Variants in PCDHGB2 observed in about 807,000 individuals in gnomAD.
PCDHGB2 encodes protocadherin gamma subfamily B, 2, also known as protocadherin gamma-B2.
In PCDHGB2, 55 loss-of-function variants were observed where a neutral mutation model predicts 59.3. That is an observed-to-expected ratio of 0.93 (90% confidence interval 0.75 to 1.16). The LOEUF is 1.16. Ranked by LOEUF, PCDHGB2 falls within the 50% of genes most tolerant of loss-of-function variation. The pLI, the probability that PCDHGB2 is intolerant of heterozygous loss-of-function variation, is 0.00. For synonymous variants in PCDHGB2, 516 were observed against 512.0 expected, an observed-to-expected ratio of 1.01 and a Z score of -0.11; for missense variants, 1,228 against 1,198.5, an observed-to-expected ratio of 1.02 and a Z score of -0.36.
In PCDHGB2 at chr5:141,410,321, G is replaced by A. The variant is rs749017304; in HGVS notation, c.2421+47765G>A. ...AATCTCAGTGCTCTTCCTCCTCGCC[G>A]TGATTCTGGCCATTGCCTTGCGCCT... On this transcript the variant is annotated intron_variant, in intron 1 of 3. Transcript: ENST00000522605. The A allele has an allele frequency of 3.7e-6, 6 of 1,613,842 alleles. No homozygotes were observed. The East Asian group carries it at 1.1e-4, about 30-fold the overall frequency.
In PCDHGB2 at chr5:141,413,998, G is replaced by A; in HGVS notation, c.2421+51442G>A. On this transcript the variant is annotated intron_variant, in intron 1 of 3. Transcript: ENST00000522605. The stretch of plus-strand genomic sequence containing the variant: ...GACAGTCACAGCCACCGACAGGGAC[G>A]AAGGTGCCAATGGAGAAGTGACATA... 1 of 1,613,320 alleles carries A rather than the reference G, an allele frequency of 6.2e-7. No individual in the cohort carries two copies. The highest frequency in any genetic ancestry group is 1.6e-4 in the Middle Eastern group (1 of 6,062).
intron 1 of PCDHGB2, chr5:141,408,760 C>T: frequency 6.2e-7 from 1 of 1,610,404 alleles, no homozygotes. Flanking sequence ...GAGTTAATTC[C>T]GATGGTGGCA....
chr5:141,422,594 C>G, intron 1 of PCDHGB2: 1 of 1,614,090 alleles, frequency 6.2e-7, no homozygotes, highest in Non-Finnish European at 8.5e-7. Flanking sequence ...TTTCCTCACT[C>G]CTCTTACTCT....
rs776053945 is a variant in PCDHGB2 at position 141,362,379 on chromosome 5, GC to G, written c.2247del (p.Tyr750IlefsTer19). On this transcript the variant is annotated frameshift_variant, in exon 1 of 4. Transcript: ENST00000522605. LOFTEE classifies it high-confidence loss of function. ...TCCCCAATTACAGTGAGGGTACATT[GC>G]CCTATTCCTACAACCTGTGTGTTGC... ...VLPNYSEGTLPYSYNLCVASQ... is the reference protein window; with the variant it reads ...VLPNYSEGTLXYSYNLCVASQ... The G allele has an allele frequency of 6.2e-6, 10 of 1,613,886 alleles. No individual in the cohort carries two copies. Among genetic ancestry groups the G allele is most frequent in the Non-Finnish European group, 2.5e-6 (3 of 1,179,888 alleles).
chr5:141,365,732 G>C (rs780327572), intron 1 of PCDHGB2: 1 of 1,613,694 alleles, frequency 6.2e-7, no homozygotes, highest in Non-Finnish European at 8.5e-7. Flanking sequence ...CAATCCCAGA[G>C]GTGTCTCTAT....
intron 1 of PCDHGB2, chr5:141,417,914 C>T: frequency 6.2e-7 from 1 of 1,602,320 alleles, no homozygotes; most frequent in Non-Finnish European, 8.5e-7. Context: ...GGTACTATTT[C>T]CTTTGCTGCT....
At chr5:141,383,174 G>A in intron 1 of PCDHGB2, 6 of 1,614,084 alleles carry the variant, frequency 3.7e-6, no homozygotes, top group South Asian at 2.2e-5. Flanking sequence ...AGGATAGACC[G>A]GGAAGAGATC....
At position 141,385,121 on chromosome 5, in the gene PCDHGB2, T is replaced by C. The variant is rs748623262; in HGVS notation, c.2421+22565T>C. On this transcript the variant is annotated intron_variant, in intron 1 of 3. Transcript: ENST00000522605. The stretch of plus-strand genomic sequence containing the variant: ...GCGAACGTGCCCACCTCGCACTTTG[T>C]GGGCATGGACGGGGTGCAGGCTTTC... 14 of 1,614,214 alleles carry C rather than the reference T, an allele frequency of 8.7e-6. No homozygotes were observed. The Admixed American group carries it at 2.3e-4, about 27-fold the overall frequency.
intron 1 of PCDHGB2, among the ~76,000 whole-genome samples, chr5:141,462,218 C>T (rs2099034952): frequency 6.6e-6 from 1 of 152,180 alleles, no homozygotes; most frequent in African/African-American, 2.4e-5. Context: ...CCTCGGCCTC[C>T]CAAAGTGCAG....
At chr5:141,465,284 A>C (rs2099100147) in intron 1 of PCDHGB2, among the ~76,000 whole-genome samples, 1 of 152,176 alleles carries the variant, frequency 6.6e-6, no homozygotes, top group African/African-American at 2.4e-5. Flanking sequence ...TTCACCCCTA[A>C]AGAACTGAGA....
chr5:141,486,555 A>T lies in PCDHGB2; in HGVS notation c.2422-8252A>T, dbSNP rs746001345. The T allele has an allele frequency of 6.2e-6, 10 of 1,614,078 alleles. No individual in the cohort carries two copies. Among genetic ancestry groups the T allele is most frequent in the Non-Finnish European group, 7.6e-6 (9 of 1,180,022 alleles). ...CCCTCTTTCTTTCAGAGGTCACATGAGGTGTTTGTTCCTGAGAACAATCGC... is the reference window on the plus strand; with the variant it reads ...CCCTCTTTCTTTCAGAGGTCACATGTGGTGTTTGTTCCTGAGAACAATCGC... On this transcript the variant is annotated intron_variant, in intron 1 of 3. Transcript: ENST00000522605. This position sits in a 1 kb window ranked among gnomAD's most constrained non-coding sequence, Gnocchi z 5.0.
chr5:141,454,097 C>T (rs1021353610), intron 1 of PCDHGB2, among the ~76,000 whole-genome samples: 10 of 152,292 alleles, frequency 6.6e-5, no homozygotes, highest in Middle Eastern at 3.4e-3. Flanking sequence ...TTGAATTGAA[C>T]ATAAATGGAG....
At chr5:141,473,801 T>C (rs1593456345) in intron 1 of PCDHGB2, among the ~76,000 whole-genome samples, 1 of 152,226 alleles carries the variant, frequency 6.6e-6, no homozygotes, top group East Asian at 1.9e-4. Flanking sequence ...ATGATGCTAC[T>C]GAGGAGCAGC....
chr5:141,487,135 A>G lies in PCDHGB2; in HGVS notation c.2422-7672A>G. 6.2e-7 allele frequency: 1 copy of G among 1,613,544 alleles called. No individual in the cohort carries two copies. The highest frequency in any genetic ancestry group is 8.5e-7 in the Non-Finnish European group (1 of 1,179,856). ...TGGTAAAGGATAGTGGTAGTCCACC[A>G]CTCTCTACCTCTGTTACTCTCTTAG... On this transcript the variant is annotated intron_variant, in intron 1 of 3. Transcript: ENST00000522605. The surrounding 1 kb of genome is among the most constrained non-coding windows in gnomAD (Gnocchi z 5.0).
chr5:141,387,830 TTA>T (rs2091113162), intron 1 of PCDHGB2: 1 of 1,590,004 alleles, frequency 6.3e-7, no homozygotes, highest in African/African-American at 1.3e-5. Context: ...AATACAGAGG[TTA>T]TTTGTAACCC....
At chr5:141,472,066 T>C (rs1440684719) in intron 1 of PCDHGB2, among the ~76,000 whole-genome samples, 1 of 152,140 alleles carries the variant, frequency 6.6e-6, no homozygotes, top group African/African-American at 2.4e-5. Flanking sequence ...GACATGTCTG[T>C]GGTTATATCA....
chr5:141,443,018 A>G (rs2098358800), intron 1 of PCDHGB2, among the ~76,000 whole-genome samples: 1 of 152,208 alleles, frequency 6.6e-6, no homozygotes, highest in Admixed American at 6.5e-5. Flanking sequence ...TGACTAATGG[A>G]AGTTGCCAGA....
rs560733170 is a variant in PCDHGB2, at chr5:141,503,895, A to G, written c.2481-1498A>G. ...TTGTGCTCACCCACCATGACAAAATATGCACACACACAACGCAACACACAC... is the reference window on the plus strand; with the variant it reads ...TTGTGCTCACCCACCATGACAAAATGTGCACACACACAACGCAACACACAC... On this transcript the variant is annotated intron_variant, in intron 2 of 3. Transcript: ENST00000522605. Among the ~76,000 whole-genome samples, 12 of 152,302 alleles carry G rather than the reference A, an allele frequency of 7.9e-5. No individual in the cohort carries two copies. The South Asian group carries it at 2.1e-3, about 26-fold the overall frequency.
Position 141,415,396 on chromosome 5 carries a change from G to A in PCDHGB2, c.2421+52840G>A, listed in dbSNP as rs11575962. 4,865 of 1,614,204 alleles carry A rather than the reference G, an allele frequency of 3.0e-3. 27 individuals are homozygous for A. The highest frequency in any genetic ancestry group is 0.011 in the Admixed American group (656 of 60,024). ...AGGAGGCGGCTTGACAGGTGTGTCC[G>A]GCTCGCACTTTGTGGGCGTGGACGG... On this transcript the variant is annotated intron_variant, in intron 1 of 3. Coordinates refer to ENST00000522605, the MANE Select transcript of PCDHGB2 (RefSeq NM_018923.3).
Sources: gnomAD v4.1 joint callset for allele counts (sites outside exome capture counted in the v4.1 genomes callset) on GRCh38, gnomAD v4.1.1 for gene constraint, Gnocchi (gnomAD v3.1) non-coding constraint, MANE v1.5 for transcripts, NCBI Gene and HGNC (gene_info 2026-07-23, HGNC 2026-07-21) for gene names.